Variants in SIPA1L1 observed in about 807,000 individuals in gnomAD.
SIPA1L1 encodes signal-induced proliferation-associated 1-like protein 1.
Under a neutral mutation model 162.7 loss-of-function variants are expected in SIPA1L1, and 26 were observed. The observed-to-expected ratio is 0.16, with a 90% CI of 0.12 to 0.22. The LOEUF is 0.22. Among genes scored for constraint, SIPA1L1 ranks in the 10% least tolerant of loss-of-function variants. SIPA1L1 has a pLI of 1.00. For missense variants in SIPA1L1, 1,874 were observed against 2,241.0 expected (o/e 0.84, Z 3.31); for synonymous variants, 829 against 837.4 (o/e 0.99, Z 0.17).
At chr14:71,328,506 A>G (rs1320709215) in intron 2 of SIPA1L1, among the ~76,000 whole-genome samples, 1 of 152,204 alleles carries the variant, frequency 6.6e-6, no homozygotes, top group African/African-American at 2.4e-5. Context: ...GCTTTTATAT[A>G]ATTTTTAGAT....
intron 8 of SIPA1L1, among the ~76,000 whole-genome samples, chr14:71,656,591 T>G (rs1288531019): frequency 6.6e-6 from 1 of 152,246 alleles, no homozygotes; most frequent in Non-Finnish European, 1.5e-5. Context: ...GAAGATATTT[T>G]TCTTGGATAT....
At chr14:71,365,688 G>A (rs1247987593) in intron 2 of SIPA1L1, among the ~76,000 whole-genome samples, 4 of 150,208 alleles carry the variant, frequency 2.7e-5, no homozygotes, top group African/African-American at 9.8e-5. Flanking sequence ...AGCACACATG[G>A]TTTTTAACAT....
chr14:71,723,103 C>T (rs935999892), intron 17 of SIPA1L1, among the ~76,000 whole-genome samples: 1 of 152,226 alleles, frequency 6.6e-6, no homozygotes, highest in East Asian at 1.9e-4. Context: ...TGAAATACAT[C>T]GACCAGCAGC....
intron 4 of SIPA1L1, among the ~76,000 whole-genome samples, chr14:71,556,335 T>C (rs561501285): frequency 3.3e-5 from 5 of 152,334 alleles, no homozygotes; most frequent in East Asian, 1.9e-4. Context: ...TGGGTTTTTT[T>C]CTCCACATGC....
intron 2 of SIPA1L1, among the ~76,000 whole-genome samples, chr14:71,325,176 A>G (rs546797962): frequency 2.8e-4 from 42 of 152,166 alleles, no homozygotes; most frequent in African/African-American, 8.4e-4. Context: ...CTGACCTTCT[A>G]TCTGCTGCAC....
At chr14:71,649,189 ATTTTTTTTTT>A (rs576399247) in intron 7 of SIPA1L1, among the ~76,000 whole-genome samples, 1 of 131,152 alleles carries the variant, frequency 7.6e-6, no homozygotes, top group African/African-American at 2.9e-5. Context: ...TCAAAGTCCA[ATTTTTTTTTT>A]TTTTTTTTTT....
At chr14:71,646,039 T>C (rs2042126421) in intron 7 of SIPA1L1, among the ~76,000 whole-genome samples, 1 of 152,192 alleles carries the variant, frequency 6.6e-6, no homozygotes, top group African/African-American at 2.4e-5. Context: ...TGAGGTAAAA[T>C]GCAAAACTTC....
At chr14:71,584,992 C>T (rs1476616440) in intron 4 of SIPA1L1, among the ~76,000 whole-genome samples, 1 of 152,156 alleles carries the variant, frequency 6.6e-6, no homozygotes, top group Non-Finnish European at 1.5e-5. Flanking sequence ...TATTATTGAT[C>T]TGTCATCATA....
At chr14:71,542,661 T>G (rs2054559434) in intron 4 of SIPA1L1, among the ~76,000 whole-genome samples, 1 of 87,474 alleles carries the variant, frequency 1.1e-5, no homozygotes, top group Non-Finnish European at 2.3e-5. Context: ...CCCCTCCTCC[T>G]CCTCCCTCCT....
At chr14:71,655,001 G>T (rs2042940343) in intron 8 of SIPA1L1, among the ~76,000 whole-genome samples, 1 of 152,122 alleles carries the variant, frequency 6.6e-6, no homozygotes, top group Non-Finnish European at 1.5e-5. Flanking sequence ...GTTAACAGGG[G>T]TATATTGCAT....
intron 10 of SIPA1L1, among the ~76,000 whole-genome samples, chr14:71,665,765 A>G (rs2149302710): frequency 6.6e-6 from 1 of 152,284 alleles, no homozygotes; most frequent in African/African-American, 2.4e-5. Flanking sequence ...GAAACCATGG[A>G]TAGTGCCTAC....
At chr14:71,336,721 G>T (rs1017988786) in intron 2 of SIPA1L1, among the ~76,000 whole-genome samples, 1 of 152,174 alleles carries the variant, frequency 6.6e-6, no homozygotes, top group Non-Finnish European at 1.5e-5. Context: ...TAATCCACCA[G>T]TGCATTCAGT....
In SIPA1L1 at chr14:71,473,333, A is replaced by G. The variant is rs117981487; in HGVS notation, c.-464-39410A>G. Among the ~76,000 whole-genome samples the G allele has an allele frequency of 6.7e-3, 1,022 of 152,332 alleles. 9 individuals carry two copies. The highest frequency in any genetic ancestry group is 0.011 in the Non-Finnish European group (777 of 68,034). On this transcript the variant is annotated intron_variant, in intron 2 of 23. Coordinates refer to ENST00000381232, the MANE Select transcript of SIPA1L1 (RefSeq NM_001386936.1). ...AGAAATAAAATTACTTTTAATCTTC[A>G]TAATCATTATTCATCATTTATAATA...
At chr14:71,393,498 G>A (rs974677944) in intron 2 of SIPA1L1, among the ~76,000 whole-genome samples, 2 of 152,192 alleles carry the variant, frequency 1.3e-5, no homozygotes, top group African/African-American at 2.4e-5. Context: ...ACTCATGCTA[G>A]CAGGACTTGC....
intron 2 of SIPA1L1, among the ~76,000 whole-genome samples, chr14:71,339,627 G>A (rs2035446301): frequency 6.6e-6 from 1 of 152,202 alleles, no homozygotes; most frequent in African/African-American, 2.4e-5. Flanking sequence ...GCCTGTAAAA[G>A]TGCTGGGATT....
intron 3 of SIPA1L1, among the ~76,000 whole-genome samples, chr14:71,517,643 A>G (rs963538011): frequency 1.3e-5 from 2 of 152,152 alleles, no homozygotes; most frequent in African/African-American, 4.8e-5. Flanking sequence ...TTCCCACCAG[A>G]GCATCTGAAT....
intron 2 of SIPA1L1, among the ~76,000 whole-genome samples, chr14:71,394,219 A>G (rs1002912681): frequency 2.0e-5 from 3 of 152,196 alleles, no homozygotes; most frequent in Non-Finnish European, 4.4e-5. Flanking sequence ...TTTCTCTCAT[A>G]GCTTCTGGCT....
intron 4 of SIPA1L1, among the ~76,000 whole-genome samples, chr14:71,587,318 C>T (rs1373038757): frequency 6.6e-6 from 1 of 151,710 alleles, no homozygotes; most frequent in Non-Finnish European, 1.5e-5. Flanking sequence ...CCCTGCCCCC[C>T]ATTTTATGAA....
At chr14:71,641,496 G>A (rs1421325328) in intron 7 of SIPA1L1, among the ~76,000 whole-genome samples, 1 of 152,216 alleles carries the variant, frequency 6.6e-6, no homozygotes, top group African/African-American at 2.4e-5. Flanking sequence ...GCCGAGGCGG[G>A]CAGATCACGA....
Sources: allele counts gnomAD v4.1 joint callset (sites outside exome capture counted in the v4.1 genomes callset), GRCh38; gene constraint gnomAD v4.1.1; transcripts MANE v1.5; gene names NCBI Gene and HGNC (gene_info 2026-07-23, HGNC 2026-07-21).